Variants in SORCS2 observed in about 807,000 individuals in gnomAD.
The protein encoded by SORCS2 is VPS10 domain-containing receptor SorCS2.
SORCS2 carries 100 observed loss-of-function variants against 141.6 expected under a neutral mutation model. The ratio of observed to expected loss-of-function variants is 0.71; its 90% CI spans 0.60 to 0.83. The LOEUF (loss-of-function observed/expected upper bound fraction) is 0.83, where lower values mean the gene tolerates loss of function less well. Ranked by LOEUF, SORCS2 falls within the 40% of genes least tolerant of loss-of-function variation. The pLI, the probability that SORCS2 is intolerant of heterozygous loss-of-function variation, is 0.00. For synonymous variants in SORCS2, 789 were observed against 676.9 expected (o/e 1.17, Z -2.57); for missense variants, 1,646 against 1,560.2 (o/e 1.05, Z -0.93).
intron 3 of SORCS2, among the ~76,000 whole-genome samples, chr4:7,584,748 C>CAGTT (rs1437441558): frequency 2.0e-5 from 3 of 152,280 alleles, no homozygotes; most frequent in Admixed American, 6.5e-5. Context: ...TTTGCAGGCA[C>CAGTT]AGTTCCAAGA....
Position 7,286,602 on chromosome 4 carries a change from G to A in SORCS2, c.480+93476G>A, listed in dbSNP as rs953502237. Among the ~76,000 whole-genome samples, 2 of 152,174 alleles carry A rather than the reference G, an allele frequency of 1.3e-5. No individual in the cohort carries two copies. Among genetic ancestry groups the A allele is most frequent in the African/African-American group, 4.8e-5 (2 of 41,456 alleles). On this transcript the variant is annotated intron_variant, in intron 1 of 26. Coordinates refer to ENST00000507866, the MANE Select transcript of SORCS2 (RefSeq NM_020777.3). This position sits in a 1 kb window ranked among gnomAD's most constrained non-coding sequence, Gnocchi z 4.1. Reference sequence around the variant, plus strand: ...CCATTCGGTCCCAGGCCAGCCCCCCGTATCTTACGGATGGAGGACACAGGC... The same window carrying A: ...CCATTCGGTCCCAGGCCAGCCCCCCATATCTTACGGATGGAGGACACAGGC...
At chr4:7,287,448 C>T (rs1352877075) in intron 1 of SORCS2, among the ~76,000 whole-genome samples, 3 of 152,210 alleles carry the variant, frequency 2.0e-5, no homozygotes, top group East Asian at 3.9e-4. Context: ...CGTGGGGGCA[C>T]ATCGCCCTTG....
intron 1 of SORCS2, among the ~76,000 whole-genome samples, chr4:7,334,540 G>A (rs577701826): frequency 6.6e-6 from 1 of 152,344 alleles, no homozygotes; most frequent in South Asian, 2.1e-4. Flanking sequence ...CATGCTTGAG[G>A]GGTGGCAGCT....
At chr4:7,379,015 G>A (rs1722827744) in intron 1 of SORCS2, among the ~76,000 whole-genome samples, 5 of 152,104 alleles carry the variant, frequency 3.3e-5, no homozygotes, top group African/African-American at 4.8e-5. Flanking sequence ...TGCATACCCC[G>A]GCCTTTGTTT....
Position 7,233,547 on chromosome 4 carries a change from TG to T in SORCS2, c.480+40423del, listed in dbSNP as rs1315903105. ...CAGGGTGAGCAGACACTGGCAGCTG[TG>T]GTGGTGGGTGGACGGGGTGGGTGCT... is the stretch of plus-strand genomic sequence containing the variant. On this transcript the variant is annotated intron_variant, in intron 1 of 26. Transcript: ENST00000507866. The surrounding 1 kb of genome is among the most constrained non-coding windows in gnomAD (Gnocchi z 4.5). 2.6e-5 allele frequency among the ~76,000 whole-genome samples: 4 copies of T among 151,874 alleles called. No individual in the cohort carries two copies. The highest frequency in any genetic ancestry group is 4.4e-5 in the Non-Finnish European group (3 of 67,970).
chr4:7,356,260 G>T (rs886107923), intron 1 of SORCS2, among the ~76,000 whole-genome samples: 2 of 152,166 alleles, frequency 1.3e-5, no homozygotes, highest in African/African-American at 2.4e-5. Flanking sequence ...TGCCTTATTC[G>T]GTTTGTTTTC....
intron 3 of SORCS2, among the ~76,000 whole-genome samples, chr4:7,541,203 A>G (rs1189666252): frequency 6.6e-6 from 1 of 152,218 alleles, no homozygotes; most frequent in African/African-American, 2.4e-5. Flanking sequence ...CAGGGCTGCC[A>G]TGCGTGCACC....
intron 14 of SORCS2, among the ~76,000 whole-genome samples, chr4:7,707,930 C>T (rs1248611369): frequency 2.0e-5 from 3 of 152,194 alleles, no homozygotes; most frequent in Non-Finnish European, 4.4e-5. Context: ...GCTCCGCCCC[C>T]GTCTCCAAAT....
chr4:7,724,950 GTGT>G (rs1727091146), intron 19 of SORCS2, among the ~76,000 whole-genome samples: 2 of 89,482 alleles, frequency 2.2e-5, no homozygotes, highest in African/African-American at 4.3e-5. Flanking sequence ...GATGGTGGTG[GTGT>G]TGGTGATGGT....
rs142474038 is a variant in SORCS2 at position 7,196,309 on chromosome 4, C to T, written c.480+3183C>T. Among the ~76,000 whole-genome samples, 53 of 152,290 alleles carry T rather than the reference C, an allele frequency of 3.5e-4. No homozygotes were observed. In the East Asian group the frequency reaches 9.8e-3, roughly 28 times the overall value. On this transcript the variant is annotated intron_variant, in intron 1 of 26. Coordinates refer to ENST00000507866, the MANE Select transcript of SORCS2 (RefSeq NM_020777.3). ...TCTCCGGAGCTGCCCTTGGAGGCAG[C>T]GGTGCTATTTGAAGGTGGATAAATA...
At chr4:7,438,124 C>T (rs1727425478) in intron 2 of SORCS2, among the ~76,000 whole-genome samples, 1 of 152,192 alleles carries the variant, frequency 6.6e-6, no homozygotes, top group Non-Finnish European at 1.5e-5. Context: ...CCAGTGCTGC[C>T]CCATGTGGCA....
At chr4:7,290,452 T>C (rs1056190853) in intron 1 of SORCS2, among the ~76,000 whole-genome samples, 3 of 152,150 alleles carry the variant, frequency 2.0e-5, no homozygotes, top group South Asian at 4.1e-4. Context: ...AGGAACCTAG[T>C]TGATTTTTTT....
At chr4:7,365,833 G>T (rs1404972991) in intron 1 of SORCS2, among the ~76,000 whole-genome samples, 1 of 152,162 alleles carries the variant, frequency 6.6e-6, no homozygotes, top group Non-Finnish European at 1.5e-5. Context: ...CACCTTCTTT[G>T]CAAAGTGTCA....
chr4:7,712,735 T>C lies in SORCS2; in HGVS notation c.1871T>C (p.Val624Ala). The change falls in exon 15 of 27, where the codon GTC (valine) becomes GCC (alanine). Residue 624 changes from valine (V) to alanine (A), a missense_variant and splice_region_variant. Val to Ala is a moderately conservative substitution (Grantham distance 64, BLOSUM62 0). Coordinates refer to ENST00000507866, the MANE Select transcript of SORCS2 (RefSeq NM_020777.3). Reference protein sequence around the residue: ...EPGDETLVMTVFGHISFRSDW... With the variant: ...EPGDETLVMTAFGHISFRSDW... Reference sequence around the variant, plus strand: ...CTTCCCTCCTCTTCCCACCCCAGGGTCTTTGGCCACATCAGCTTCCGCTCC... The same window carrying C: ...CTTCCCTCCTCTTCCCACCCCAGGGCCTTTGGCCACATCAGCTTCCGCTCC... The C allele has an allele frequency of 6.2e-7, 1 of 1,613,864 alleles. No homozygotes were observed. Among genetic ancestry groups the C allele is most frequent in the Non-Finnish European group, 8.5e-7 (1 of 1,179,838 alleles).
Position 7,233,085 on chromosome 4 carries a change from G to A in SORCS2, c.480+39959G>A, listed in dbSNP as rs1385379189. ...GCCCAGGAGTCAGGCTTCGGCACCCGCATGTTCAACTACTGCCTTCCTGAT... is the reference window on the plus strand; with the variant it reads ...GCCCAGGAGTCAGGCTTCGGCACCCACATGTTCAACTACTGCCTTCCTGAT... On this transcript the variant is annotated intron_variant, in intron 1 of 26. Coordinates refer to ENST00000507866, the MANE Select transcript of SORCS2 (RefSeq NM_020777.3). This position sits in a 1 kb window ranked among gnomAD's most constrained non-coding sequence, Gnocchi z 4.5. Among the ~76,000 whole-genome samples the A allele has an allele frequency of 6.6e-6, 1 of 152,152 alleles. No homozygotes were observed. Among genetic ancestry groups the A allele is most frequent in the Non-Finnish European group, 1.5e-5 (1 of 68,024 alleles).
chr4:7,223,146 G>A (rs1002341785), intron 1 of SORCS2, among the ~76,000 whole-genome samples: 5 of 152,238 alleles, frequency 3.3e-5, no homozygotes, highest in Non-Finnish European at 5.9e-5. Flanking sequence ...ACTCATACTC[G>A]TTTTAGATCT....
chr4:7,556,208 T>C (rs1284862437), intron 3 of SORCS2, among the ~76,000 whole-genome samples: 1 of 152,076 alleles, frequency 6.6e-6, no homozygotes, highest in Non-Finnish European at 1.5e-5. Context: ...GTTTTGGCAA[T>C]GGGGAGAGTG....
chr4:7,674,610 C>T (rs910053067), intron 8 of SORCS2, among the ~76,000 whole-genome samples: 1 of 146,644 alleles, frequency 6.8e-6, no homozygotes, highest in African/African-American at 2.5e-5. Flanking sequence ...AAAAAAGCAA[C>T]CCTCTCCTTT....
intron 3 of SORCS2, among the ~76,000 whole-genome samples, chr4:7,623,400 C>G (rs978029400): frequency 6.7e-6 from 1 of 148,560 alleles, no homozygotes; most frequent in African/African-American, 2.5e-5. Context: ...GTGGCTGGCC[C>G]GTGACTTCTG....
Sources: gnomAD v4.1 joint callset for allele counts (sites outside exome capture counted in the v4.1 genomes callset) on GRCh38, gnomAD v4.1.1 for gene constraint, Gnocchi (gnomAD v3.1) non-coding constraint, MANE v1.5 for transcripts, NCBI Gene and HGNC (gene_info 2026-07-23, HGNC 2026-07-21) for gene names.